The following XIRP2 variants were observed in gnomAD, a reference collection of about 807,000 sequenced individuals.
The protein encoded by XIRP2 is xin actin-binding repeat-containing protein 2.
In XIRP2, 236 loss-of-function variants were observed where a neutral mutation model predicts 277.0. The ratio of observed to expected loss-of-function variants is 0.85; its 90% CI spans 0.77 to 0.95. The LOEUF (loss-of-function observed/expected upper bound fraction) is 0.95, where lower values mean the gene tolerates loss of function less well. Ranked by LOEUF, XIRP2 falls within the 40% of genes least tolerant of loss-of-function variation. The probability of loss-of-function intolerance (pLI) is 0.00; values close to 1 mark genes in which losing one functional copy is unlikely to be tolerated. For missense variants in XIRP2, 4,640 were observed against 4,157.5 expected, an observed-to-expected ratio of 1.12 and a Z score of -3.19; for synonymous variants, 1,490 against 1,416.5, an observed-to-expected ratio of 1.05 and a Z score of -1.17.
intron 2 of XIRP2, among the ~76,000 whole-genome samples, chr2:166,930,842 C>A (rs972817302): frequency 2.0e-5 from 3 of 152,004 alleles, no homozygotes; most frequent in Non-Finnish European, 4.4e-5. Flanking sequence ...TGAAAAAAGA[C>A]GTAAATTTGA....
intron 2 of XIRP2, among the ~76,000 whole-genome samples, chr2:167,086,038 C>T (rs1314492992): frequency 5.9e-5 from 9 of 151,880 alleles, no homozygotes; most frequent in African/African-American, 1.2e-4. Context: ...TTCCTAGTCT[C>T]GATGGTCTTT....
intron 3 of XIRP2, chr2:167,140,919 T>C (rs762491100): frequency 6.6e-6 from 1 of 152,086 alleles, no homozygotes; most frequent in African/African-American, 2.4e-5. Context: ...CAGAGTTAAG[T>C]CATGGCCCAG....
chr2:166,949,696 A>G (rs1685977441), intron 2 of XIRP2, among the ~76,000 whole-genome samples: 1 of 152,082 alleles, frequency 6.6e-6, no homozygotes, highest in South Asian at 2.1e-4. Flanking sequence ...ATTTAATATT[A>G]CTACAAATTG....
chr2:167,211,349 C>T (rs1316240687), intron 4 of XIRP2, among the ~76,000 whole-genome samples: 2 of 152,142 alleles, frequency 1.3e-5, no homozygotes, highest in Non-Finnish European at 2.9e-5. Context: ...CCCGCATCAG[C>T]CTCCCAAAGT....
chr2:167,135,407 C>T (rs1260234539), intron 2 of XIRP2, among the ~76,000 whole-genome samples: 1 of 151,922 alleles, frequency 6.6e-6, no homozygotes, highest in East Asian at 1.9e-4. Flanking sequence ...CTTTATGAAT[C>T]GAAAAACTGT....
At chr2:166,979,164 A>G (rs1477305754) in intron 2 of XIRP2, among the ~76,000 whole-genome samples, 1 of 152,046 alleles carries the variant, frequency 6.6e-6, no homozygotes, top group African/African-American at 2.4e-5. Flanking sequence ...ATAATAATCT[A>G]TTTTAATTGG....
intron 2 of XIRP2, among the ~76,000 whole-genome samples, chr2:166,930,156 C>G (rs1182881824): frequency 6.6e-6 from 1 of 152,044 alleles, no homozygotes; most frequent in Non-Finnish European, 1.5e-5. Context: ...TGAGTGAGAT[C>G]TAGATTATGT....
chr2:166,903,214 T>C (rs115465997), intron 1 of XIRP2, among the ~76,000 whole-genome samples: 2,098 of 152,264 alleles, frequency 0.014, 47 homozygotes, highest in African/African-American at 0.045. Context: ...TTCTTCACTT[T>C]TGTTTCTTTA....
intron 2 of XIRP2, among the ~76,000 whole-genome samples, chr2:166,972,471 G>A (rs1327064983): frequency 6.6e-6 from 1 of 152,106 alleles, no homozygotes; most frequent in Non-Finnish European, 1.5e-5. Flanking sequence ...TCTGTTGCTG[G>A]ATTACCTTCC....
chr2:167,211,034 T>C (rs1016104457), intron 4 of XIRP2, 139 bp downstream of exon 4: 12 of 1,034,382 alleles, frequency 1.2e-5, no homozygotes, highest in Admixed American at 8.5e-5. Context: ...GTGAAATAAA[T>C]CCAGACTATC....
At chr2:166,932,211 T>C (rs1685361082) in intron 2 of XIRP2, among the ~76,000 whole-genome samples, 1 of 151,388 alleles carries the variant, frequency 6.6e-6, no homozygotes, top group South Asian at 2.1e-4. Flanking sequence ...ACTCTCTCTC[T>C]CTCTCTTTTT....
At chr2:167,004,420 ATTAGT>A (rs1317307884) in intron 2 of XIRP2, among the ~76,000 whole-genome samples, 3 of 151,916 alleles carry the variant, frequency 2.0e-5, no homozygotes, top group African/African-American at 7.2e-5. Flanking sequence ...CATTCTATTG[ATTAGT>A]TTAATGTGTA....
intron 2 of XIRP2, among the ~76,000 whole-genome samples, chr2:166,946,368 T>C (rs1685863066): frequency 1.3e-5 from 2 of 152,210 alleles, no homozygotes; most frequent in South Asian, 4.1e-4. Flanking sequence ...TCCATTTGCT[T>C]GTCCTTTTTT....
At position 167,244,077 on chromosome 2, in the gene XIRP2, G is replaced by T. The variant is rs1695166697; in HGVS notation, c.2685G>T (p.Lys895Asn). Reference protein sequence around the residue: ...EALKDSPDIGKLQKITASEEE... With the variant: ...EALKDSPDIGNLQKITASEEE... ...TAAAAGACAGTCCTGATATAGGAAA[G>T]CTTCAAAAAATCACTGCCTCTGAAG... is the stretch of plus-strand genomic sequence containing the variant. The change falls in exon 9 of 11, where the codon AAG (lysine) becomes AAT (asparagine). Residue 895 changes from lysine to asparagine, a missense_variant. Coordinates refer to ENST00000409195, the MANE Select transcript of XIRP2 (RefSeq NM_152381.6). The T allele has an allele frequency of 5.6e-6, 9 of 1,613,748 alleles. No individual in the cohort carries two copies. Among genetic ancestry groups the T allele is most frequent in the Admixed American group, 1.7e-5 (1 of 59,980 alleles).
chr2:167,049,031 C>T (rs943750254), intron 2 of XIRP2, among the ~76,000 whole-genome samples: 1 of 151,840 alleles, frequency 6.6e-6, no homozygotes, highest in Non-Finnish European at 1.5e-5. Context: ...GGCTTCTCTC[C>T]CTACCTAAGG....
intron 2 of XIRP2, among the ~76,000 whole-genome samples, chr2:167,018,788 T>A (rs1255476798): frequency 1.3e-5 from 2 of 152,022 alleles, no homozygotes; most frequent in Admixed American, 6.6e-5. Flanking sequence ...AAAATTTAGC[T>A]TAGTGTGCAT....
intron 2 of XIRP2, among the ~76,000 whole-genome samples, chr2:166,978,430 C>T (rs1402861864): frequency 2.0e-5 from 3 of 152,042 alleles, no homozygotes; most frequent in Non-Finnish European, 4.4e-5. Flanking sequence ...GAGACTGAGG[C>T]TAGGGTTGTG....
At chr2:167,115,545 T>G (rs1360436778) in intron 2 of XIRP2, among the ~76,000 whole-genome samples, 1 of 152,162 alleles carries the variant, frequency 6.6e-6, no homozygotes, top group African/African-American at 2.4e-5. Context: ...TCTTCTTTGA[T>G]GCTGTTGGGG....
chr2:167,244,871 G>C lies in XIRP2; in HGVS notation c.3479G>C (p.Gly1160Ala). 1 of 1,613,682 alleles carries C rather than the reference G, an allele frequency of 6.2e-7. No individual in the cohort carries two copies. The highest frequency in any genetic ancestry group is 8.5e-7 in the Non-Finnish European group (1 of 1,179,748). Reference sequence around the variant, plus strand: ...GTAAAACAGGAGGAGATCCAAGGTGGGGATGTTCGTACAGCATGTTTTCTT... The same window carrying C: ...GTAAAACAGGAGGAGATCCAAGGTGCGGATGTTCGTACAGCATGTTTTCTT... ...QTVKQEEIQG[G>A]DVRTACFLFE... is the part of the protein sequence containing the mutation. The change falls in exon 9 of 11, where the codon GGG (glycine) becomes GCG (alanine). Residue 1160 changes from glycine to alanine, a missense_variant. Physicochemically the swap from Gly to Ala is moderately conservative, Grantham distance 60. Transcript: ENST00000409195.
Sources: allele counts gnomAD v4.1 joint callset (sites outside exome capture counted in the v4.1 genomes callset), GRCh38; gene constraint gnomAD v4.1.1; transcripts MANE v1.5; gene names NCBI Gene and HGNC (gene_info 2026-07-23, HGNC 2026-07-21).